CCDC83: variants seen among roughly 807,000 people sequenced by gnomAD.
CCDC83 encodes the protein coiled-coil domain-containing protein 83.
In CCDC83, 54 loss-of-function variants were observed where a neutral mutation model predicts 50.1. The ratio of observed to expected loss-of-function variants is 1.08; its 90% CI spans 0.87 to 1.35. The LOEUF is 1.35. Among genes scored for constraint, CCDC83 ranks in the 40% most tolerant of loss-of-function variants. The pLI is 0.00. For synonymous variants in CCDC83, 161 were observed against 153.3 expected (o/e 1.05, Z -0.37); for missense variants, 518 against 473.9 (o/e 1.09, Z -0.86).
At position 85,895,264 on chromosome 11, in the gene CCDC83, CTTTTTTTTTTTTT is replaced by C; in HGVS notation, c.512-17_512-5del. 2.2e-5 allele frequency: 8 copies of C among 361,198 alleles called. 1 individual carries two copies. The South Asian group carries it at 2.4e-4, about 11-fold the overall frequency. 22.4% of individuals were successfully genotyped at this position (361,198 alleles called of 1,614,324 possible). A position where few individuals can be genotyped will look rare whatever the true frequency, so the allele number is the denominator to read the frequency against. ...CATGCTTGATAAGGCTTTTAATTTTCTTTTTTTTTTTTTTTTTTTTTTTTAAAGAACACTATAA... is the reference window on the plus strand; with the variant it reads ...CATGCTTGATAAGGCTTTTAATTTTCTTTTTTTTTTTAAAGAACACTATAA... On this transcript the variant is annotated splice_polypyrimidine_tract_variant and intron_variant, in intron 5 of 10. Coordinates refer to ENST00000342404, the MANE Select transcript of CCDC83 (RefSeq NM_001286159.2).
chr11:85,905,795 C>A (rs2093422928), intron 7 of CCDC83, among the ~76,000 whole-genome samples: 1 of 150,918 alleles, frequency 6.6e-6, no homozygotes, highest in Non-Finnish European at 1.5e-5. Flanking sequence ...CGGTGAAACC[C>A]CGTCTCTATT....
chr11:85,865,061 A>T, intron 1 of CCDC83, 35 bp from the exon 2 acceptor site: 1 of 1,079,688 alleles, frequency 9.3e-7, no homozygotes, highest in Non-Finnish European at 1.4e-6. Context: ...GCAAAGATGG[A>T]ATTTTTCACT....
rs1448515106 is a variant in CCDC83, at chr11:85,865,005, A to G, written c.-28-91A>G. On this transcript the variant is annotated intron_variant, in intron 1 of 10. Coordinates refer to ENST00000342404, the MANE Select transcript of CCDC83 (RefSeq NM_001286159.2). ...GAAGCAATCAGGATAGAAAGCCAGT[A>G]TTAAGTCCCAGAGGTACCTTATCTA... 1.0e-5 allele frequency: 7 copies of G among 677,686 alleles called. No homozygotes were observed. In the South Asian group the frequency reaches 1.0e-4, roughly 10 times the overall value. 42.0% of individuals were successfully genotyped at this position (677,686 alleles called of 1,614,324 possible). A position where few individuals can be genotyped will look rare whatever the true frequency, so the allele number is the denominator to read the frequency against.
chr11:85,867,964 T>C (rs1451503650), intron 2 of CCDC83, among the ~76,000 whole-genome samples: 3 of 152,310 alleles, frequency 2.0e-5, no homozygotes, highest in East Asian at 3.9e-4. Flanking sequence ...ACAGAACTGT[T>C]GTCACATGAC....
At chr11:85,903,136 G>A (rs947228553) in intron 7 of CCDC83, among the ~76,000 whole-genome samples, 5 of 151,986 alleles carry the variant, frequency 3.3e-5, no homozygotes, top group African/African-American at 9.7e-5. Flanking sequence ...AGGAGGCTGA[G>A]GCAGGAGAAT....
chr11:85,907,510 C>A (rs1357896549), intron 7 of CCDC83, among the ~76,000 whole-genome samples: 1 of 152,164 alleles, frequency 6.6e-6, no homozygotes, highest in Non-Finnish European at 1.5e-5. Context: ...ATATTTTAAT[C>A]AGGATCCTAG....
intron 7 of CCDC83, 88 bp from the exon 8 acceptor site, chr11:85,911,189 AAAAG>A (rs1233494700): frequency 8.9e-6 from 10 of 1,122,652 alleles, no homozygotes; most frequent in Non-Finnish European, 1.2e-5. Flanking sequence ...AAAAAAAAAA[AAAAG>A]AAAGAAAAAA....
At chr11:85,877,201 G>A (rs2093273998) in intron 3 of CCDC83, among the ~76,000 whole-genome samples, 1 of 152,206 alleles carries the variant, frequency 6.6e-6, no homozygotes, top group African/African-American at 2.4e-5. Flanking sequence ...CAGGCACAGT[G>A]GCTCATGCCT....
intron 6 of CCDC83, among the ~76,000 whole-genome samples, chr11:85,898,008 C>T (rs1435523803): frequency 6.6e-6 from 1 of 151,920 alleles, no homozygotes; most frequent in Non-Finnish European, 1.5e-5. Flanking sequence ...AAATACAAAA[C>T]TTGGCCAGGC....
At chr11:85,865,895 T>TC (rs1192499472) in intron 2 of CCDC83, among the ~76,000 whole-genome samples, 2 of 144,196 alleles carry the variant, frequency 1.4e-5, no homozygotes, top group African/African-American at 5.2e-5. Flanking sequence ...TGAGGTTCCA[T>TC]CTCGAAAAAA....
At chr11:85,867,617 A>G (rs967658271) in intron 2 of CCDC83, among the ~76,000 whole-genome samples, 2 of 152,200 alleles carry the variant, frequency 1.3e-5, no homozygotes, top group Non-Finnish European at 2.9e-5. Flanking sequence ...TGTTCATCTC[A>G]TCTTAGGAGA....
intron 7 of CCDC83, among the ~76,000 whole-genome samples, chr11:85,904,777 C>T (rs1195311360): frequency 6.6e-6 from 1 of 152,188 alleles, no homozygotes; most frequent in African/African-American, 2.4e-5. Context: ...TGCCCAGACA[C>T]TCAAGATAAA....
In CCDC83 at chr11:85,895,461, T is replaced by C. The variant is rs895206882; in HGVS notation, c.603+77T>C. ...TTTTTCTTTGGGTATATTATAGTGG[T>C]TAAGAACTTTGGATAGATTCTCAGA... On this transcript the variant is annotated intron_variant, in intron 6 of 10. Coordinates refer to ENST00000342404, the MANE Select transcript of CCDC83 (RefSeq NM_001286159.2). The C allele has an allele frequency of 8.4e-6, 7 of 837,900 alleles. No individual in the cohort carries two copies. The African/African-American group carries it at 1.2e-4, about 15-fold the overall frequency. 51.9% of individuals were successfully genotyped at this position (837,900 alleles called of 1,614,324 possible).
intron 3 of CCDC83, among the ~76,000 whole-genome samples, chr11:85,874,025 C>T (rs918571336): frequency 6.6e-6 from 1 of 152,112 alleles, no homozygotes; most frequent in African/African-American, 2.4e-5. Context: ...AGTCAGAGAC[C>T]TGAGTTTGCA....
At chr11:85,907,669 G>A (rs1353946649) in intron 7 of CCDC83, among the ~76,000 whole-genome samples, 2 of 152,148 alleles carry the variant, frequency 1.3e-5, no homozygotes, top group Non-Finnish European at 2.9e-5. Context: ...GAAATCCAAA[G>A]GTGTTTGTAG....
At chr11:85,885,046 C>T (rs2093319876) in intron 4 of CCDC83, among the ~76,000 whole-genome samples, 1 of 152,088 alleles carries the variant, frequency 6.6e-6, no homozygotes, top group Non-Finnish European at 1.5e-5. Context: ...GAAACCCTGT[C>T]TCTACTAAAA....
chr11:85,894,360 A>G (rs2093363178), intron 5 of CCDC83, among the ~76,000 whole-genome samples: 1 of 152,214 alleles, frequency 6.6e-6, no homozygotes. Context: ...TGCCCTGCCT[A>G]TGTTACATAA....
Position 85,873,269 on chromosome 11 carries a change from A to C in CCDC83, c.154A>C (p.Lys52Gln). 1 of 1,517,096 alleles carries C rather than the reference A, an allele frequency of 6.6e-7. No homozygotes were observed. Among genetic ancestry groups the C allele is most frequent in the Non-Finnish European group, 9.0e-7 (1 of 1,112,254 alleles). The allele number at this position is 1,517,096 out of a possible 1,614,324, so 94.0% of individuals were successfully genotyped here. ...CATGTTTCAAATAAAGACACTTAGG[A>C]AAAAGAACCAAAAATATCATGAAAG... ...QFMFQIKTLR[K>Q]KNQKYHERNS... Residue 52 changes from lysine (K) to glutamine (Q), a missense_variant, in exon 3 of 11, where the codon AAA (lysine) becomes CAA (glutamine). Coordinates refer to ENST00000342404, the MANE Select transcript of CCDC83 (RefSeq NM_001286159.2).
intron 3 of CCDC83, among the ~76,000 whole-genome samples, chr11:85,880,500 T>G (rs111918381): frequency 0.019 from 2,952 of 152,158 alleles, 103 homozygotes; most frequent in African/African-American, 0.066. Context: ...GGTCTTGAAC[T>G]CCTAAGCTCA....
Sources: allele counts gnomAD v4.1 joint callset (sites outside exome capture counted in the v4.1 genomes callset), GRCh38; gene constraint gnomAD v4.1.1; transcripts MANE v1.5; gene names NCBI Gene and HGNC (gene_info 2026-07-23, HGNC 2026-07-21).